SLC49A4: variants seen among roughly 807,000 people sequenced by gnomAD.
SLC49A4 encodes disrupted in renal cancer protein 2.
A neutral mutation model predicts 50.6 loss-of-function variants in SLC49A4; 36 were observed. That is an observed-to-expected ratio of 0.71 (90% CI 0.55 to 0.94). The LOEUF is 0.94. SLC49A4 is among the 40% of genes least tolerant of loss of function. The pLI is 0.00. For missense variants in SLC49A4, 503 were observed against 605.7 expected (o/e 0.83, Z 1.78); for synonymous variants, 248 against 241.2 (o/e 1.03, Z -0.26).
chr3:122,828,570 C>T (rs545542815), intron 3 of SLC49A4, among the ~76,000 whole-genome samples: 49 of 152,176 alleles, frequency 3.2e-4, no homozygotes, highest in Non-Finnish European at 6.0e-4. Context: ...CCACGCAAAC[C>T]TTCTAAGCAG....
chr3:122,859,449 A>G (rs1432622562), intron 6 of SLC49A4, among the ~76,000 whole-genome samples: 1 of 152,240 alleles, frequency 6.6e-6, no homozygotes, highest in Non-Finnish European at 1.5e-5. Flanking sequence ...TTGCAAGTTC[A>G]TGTCAACAAG....
intron 4 of SLC49A4, among the ~76,000 whole-genome samples, chr3:122,845,326 A>G (rs746415012): frequency 9.2e-5 from 14 of 152,200 alleles, no homozygotes; most frequent in Non-Finnish European, 1.6e-4. Flanking sequence ...GGAGTATTCC[A>G]TAGTGTATTT....
At chr3:122,799,486 C>T (rs1419525157) in intron 1 of SLC49A4, among the ~76,000 whole-genome samples, 1 of 152,116 alleles carries the variant, frequency 6.6e-6, no homozygotes. Flanking sequence ...AGTAGAGCCA[C>T]TGAGGGGAAC....
Position 122,806,460 on chromosome 3 carries a change from C to T in SLC49A4, c.344-397C>T, listed in dbSNP as rs575768606. Among the ~76,000 whole-genome samples, 33 of 152,220 alleles carry T rather than the reference C, an allele frequency of 2.2e-4. No homozygotes were observed. In the South Asian group the frequency reaches 6.4e-3, roughly 30 times the overall value. ...TGGTGTGATCTCAGCTCACTGTAGC[C>T]TCTGCCTCCCAGGTTCAAGCAATTC... is the stretch of plus-strand genomic sequence containing the variant. On this transcript the variant is annotated intron_variant, in intron 1 of 8. Transcript: ENST00000261038.
chr3:122,853,386 T>C (rs758662062), intron 5 of SLC49A4, among the ~76,000 whole-genome samples: 10 of 152,190 alleles, frequency 6.6e-5, no homozygotes, highest in Non-Finnish European at 1.0e-4. Context: ...TCCTTTAGTT[T>C]TCTCACCTGT....
intron 7 of SLC49A4, among the ~76,000 whole-genome samples, chr3:122,865,301 A>C (rs1937103548): frequency 6.6e-6 from 1 of 152,260 alleles, no homozygotes; most frequent in South Asian, 2.1e-4. Context: ...GTCTTGCAGC[A>C]GATTCTGTGT....
At chr3:122,832,535 G>T (rs947220820) in intron 3 of SLC49A4, among the ~76,000 whole-genome samples, 3 of 152,080 alleles carry the variant, frequency 2.0e-5, no homozygotes, top group Non-Finnish European at 4.4e-5. Flanking sequence ...AATTGGGTCT[G>T]TCTTATACAA....
chr3:122,795,933 T>C (rs1936030753), intron 1 of SLC49A4, among the ~76,000 whole-genome samples: 1 of 152,178 alleles, frequency 6.6e-6, no homozygotes, highest in Non-Finnish European at 1.5e-5. Flanking sequence ...GGAAAATAGA[T>C]TGACGGTGCC....
Position 122,795,297 on chromosome 3 carries a change from G to T in SLC49A4, c.105G>T (p.Ala35=). The T allele has an allele frequency of 7.0e-7, 1 of 1,436,900 alleles. No homozygotes were observed. The highest frequency in any genetic ancestry group is 9.0e-7 in the Non-Finnish European group (1 of 1,108,290). The allele number at this position is 1,436,900 out of a possible 1,614,324, so 89.0% of individuals were successfully genotyped here. A position where few individuals can be genotyped will look rare whatever the true frequency, so the allele number is the denominator to read the frequency against. Residue 35 remains alanine, a synonymous_variant, in exon 1 of 9, where the codon GCG becomes GCT. Coordinates refer to ENST00000261038, the MANE Select transcript of SLC49A4 (RefSeq NM_032839.3). The part of the protein sequence containing the change: ...ASWRSREAAA[A]ALPAAVPGPG... ...GGAGAAGCCGGGAGGCGGCGGCGGC[G>T]GCGCTGCCCGCGGCGGTCCCGGGTC...
chr3:122,795,290 C>CGGCGGCGGCGCT lies in SLC49A4; in HGVS notation c.100_111dup (p.Ala34_Leu37dup). 1 of 1,422,692 alleles carries CGGCGGCGGCGCT rather than the reference C, an allele frequency of 7.0e-7. No homozygotes were observed. Among genetic ancestry groups the CGGCGGCGGCGCT allele is most frequent in the Non-Finnish European group, 9.1e-7 (1 of 1,101,302 alleles). The allele number at this position is 1,422,692 out of a possible 1,614,324, so 88.1% of individuals were successfully genotyped here. A position where few individuals can be genotyped will look rare whatever the true frequency, so the allele number is the denominator to read the frequency against. Reference sequence around the variant, plus strand: ...GCCTCCTGGAGAAGCCGGGAGGCGGCGGCGGCGGCGCTGCCCGCGGCGGTC... The same window carrying CGGCGGCGGCGCT: ...GCCTCCTGGAGAAGCCGGGAGGCGGCGGCGGCGGCGCTGGCGGCGGCGCTGCCCGCGGCGGTC... On this transcript the variant is annotated inframe_insertion, in exon 1 of 9. Transcript: ENST00000261038.
chr3:122,814,442 G>A (rs1448835963), intron 2 of SLC49A4, among the ~76,000 whole-genome samples: 1 of 152,156 alleles, frequency 6.6e-6, no homozygotes, highest in Non-Finnish European at 1.5e-5. Flanking sequence ...TAACTTATAA[G>A]TAACATGAGC....
At chr3:122,810,652 G>A (rs986566134) in intron 2 of SLC49A4, among the ~76,000 whole-genome samples, 3 of 152,184 alleles carry the variant, frequency 2.0e-5, no homozygotes, top group Non-Finnish European at 2.9e-5. Flanking sequence ...GTAAACATGT[G>A]CAACACATGC....
At chr3:122,833,496 A>T in intron 4 of SLC49A4, 50 bp downstream of exon 4, 1 of 1,513,506 alleles carries the variant, frequency 6.6e-7, no homozygotes, top group East Asian at 2.3e-5. Context: ...CCTTCAAGGT[A>T]ACTTCAGATT....
intron 2 of SLC49A4, among the ~76,000 whole-genome samples, chr3:122,824,844 C>T (rs59167074): frequency 0.042 from 6,295 of 150,386 alleles, 424 homozygotes; most frequent in African/African-American, 0.14. Context: ...GTGATTCTCG[C>T]GCCTCAGCCT....
chr3:122,851,672 C>T (rs1173714449), intron 5 of SLC49A4, among the ~76,000 whole-genome samples: 1 of 151,976 alleles, frequency 6.6e-6, no homozygotes, highest in Non-Finnish European at 1.5e-5. Flanking sequence ...GTCTTGTTAG[C>T]TTGATGTCTC....
At chr3:122,879,178 G>T (rs1395908101) in intron 8 of SLC49A4, 85 bp from the exon 9 acceptor site, 11 of 956,186 alleles carry the variant, frequency 1.2e-5, no homozygotes. Context: ...ACTTTTTAAT[G>T]CAGAGCAGAT....
At chr3:122,850,881 T>TTA (rs1446168916) in intron 5 of SLC49A4, among the ~76,000 whole-genome samples, 1 of 152,214 alleles carries the variant, frequency 6.6e-6, no homozygotes, top group Non-Finnish European at 1.5e-5. Flanking sequence ...CTATTGGTCT[T>TTA]TATTTTGTTC....
intron 4 of SLC49A4, among the ~76,000 whole-genome samples, chr3:122,836,408 T>A (rs957836930): frequency 1.3e-5 from 2 of 152,230 alleles, no homozygotes; most frequent in Non-Finnish European, 2.9e-5. Flanking sequence ...AGTATTTTAT[T>A]GAGGATTTTT....
intron 4 of SLC49A4, among the ~76,000 whole-genome samples, chr3:122,842,243 T>C (rs904190799): frequency 6.6e-6 from 1 of 151,732 alleles, no homozygotes; most frequent in African/African-American, 2.4e-5. Context: ...TCCCAGCACT[T>C]TGGGAGGCCG....
Sources: allele counts gnomAD v4.1 joint callset (sites outside exome capture counted in the v4.1 genomes callset), GRCh38; gene constraint gnomAD v4.1.1; transcripts MANE v1.5; gene names NCBI Gene and HGNC (gene_info 2026-07-23, HGNC 2026-07-21).